The following AEBP2 variants were observed in gnomAD, a reference collection of about 807,000 sequenced individuals.
AEBP2 encodes the protein AE binding protein 2.
In AEBP2, 10 loss-of-function variants were observed where a neutral mutation model predicts 50.8. The observed-to-expected ratio is 0.20, with a 90% confidence interval of 0.12 to 0.33. AEBP2 has a LOEUF of 0.33. Ranked by LOEUF, AEBP2 falls within the 10% of genes least tolerant of loss-of-function variation. The pLI is 1.00. For synonymous variants in AEBP2, 296 were observed against 261.3 expected (o/e 1.13, Z -1.28); for missense variants, 570 against 688.0 (o/e 0.83, Z 1.92).
At chr12:19,499,360 C>G (rs1242409688) in intron 4 of AEBP2, among the ~76,000 whole-genome samples, 3 of 152,132 alleles carry the variant, frequency 2.0e-5, no homozygotes, top group Non-Finnish European at 4.4e-5. Flanking sequence ...TGCCTGTATA[C>G]CCAGCACTTT....
intron 1 of AEBP2, among the ~76,000 whole-genome samples, chr12:19,411,621 A>G (rs2095739263): frequency 6.6e-6 from 1 of 152,198 alleles, no homozygotes; most frequent in Admixed American, 6.5e-5. Flanking sequence ...GGCACAAGTA[A>G]AGACTTATAA....
At chr12:19,479,016 C>T (rs1287004395) in intron 3 of AEBP2, among the ~76,000 whole-genome samples, 2 of 152,070 alleles carry the variant, frequency 1.3e-5, no homozygotes, top group East Asian at 1.9e-4. Context: ...TGAGACCAGC[C>T]TGGGCAACAT....
chr12:19,445,039 C>G (rs899857071), intron 1 of AEBP2, among the ~76,000 whole-genome samples: 58 of 151,740 alleles, frequency 3.8e-4, no homozygotes, highest in African/African-American at 1.3e-3. Context: ...TATTTAACGT[C>G]TTACTACTTG....
intron 3 of AEBP2, among the ~76,000 whole-genome samples, chr12:19,483,280 T>C (rs778349628): frequency 3.9e-5 from 6 of 152,166 alleles, no homozygotes; most frequent in Non-Finnish European, 5.9e-5. Context: ...GCTTCTACTT[T>C]TATATTTTGC....
At chr12:19,449,403 ATT>A (rs1049847825) in intron 1 of AEBP2, among the ~76,000 whole-genome samples, 5 of 152,182 alleles carry the variant, frequency 3.3e-5, no homozygotes, top group African/African-American at 1.2e-4. Context: ...GCTGGCTGAT[ATT>A]TTAAGCTGGA....
In AEBP2 at chr12:19,521,415, T is replaced by C. The variant is rs552927421; in HGVS notation, c.*3298T>C. The C allele has an allele frequency of 6.6e-6, 1 of 152,298 alleles. No homozygotes were observed. The highest frequency in any genetic ancestry group is 2.4e-5 in the African/African-American group (1 of 41,580). 9.4% of individuals were successfully genotyped at this position (152,298 alleles called of 1,614,324 possible). A position where few individuals can be genotyped will look rare whatever the true frequency, so the allele number is the denominator to read the frequency against. ...CATCATTTGTGTTTCTGTATTTATT[T>C]TGCTAAGAACTAAATAAGATTTTGT... On this transcript the variant is annotated 3_prime_UTR_variant, in exon 8 of 8. Transcript: ENST00000266508.
At chr12:19,456,059 G>A (rs1458402922) in intron 1 of AEBP2, among the ~76,000 whole-genome samples, 2 of 151,654 alleles carry the variant, frequency 1.3e-5, no homozygotes, top group Non-Finnish European at 2.9e-5. Context: ...ACTTAAAACT[G>A]CCACGCGCAA....
At chr12:19,445,903 T>C (rs1044314129) in intron 1 of AEBP2, 2 of 152,178 alleles carry the variant, frequency 1.3e-5, no homozygotes, top group Admixed American at 6.5e-5. Context: ...AGCTTTCTTT[T>C]TTTTGGACGA....
At chr12:19,457,461 A>G (rs1948290892) in intron 1 of AEBP2, 1 of 1,517,082 alleles carries the variant, frequency 6.6e-7, no homozygotes, top group Non-Finnish European at 8.9e-7. Flanking sequence ...CTCAGCTTTC[A>G]GTTTATCCAA....
At chr12:19,434,175 A>ATT (rs1325645174) in intron 1 of AEBP2, among the ~76,000 whole-genome samples, 1 of 137,608 alleles carries the variant, frequency 7.3e-6, no homozygotes, top group Non-Finnish European at 1.6e-5. Context: ...TAGATTAGTA[A>ATT]TTTTTTTTTT....
rs980293089 is a variant in AEBP2, at chr12:19,493,674, C to T, written c.988-126C>T. Reference sequence around the variant, plus strand: ...AAAAGACTACTAGTCCCTTATGCTTCCTTTCTGGAATTAGTTCTATTGTAC... The same window carrying T: ...AAAAGACTACTAGTCCCTTATGCTTTCTTTCTGGAATTAGTTCTATTGTAC... On this transcript the variant is annotated intron_variant, in intron 3 of 7. Coordinates refer to ENST00000266508, the MANE Select transcript of AEBP2 (RefSeq NM_153207.5). 26 of 904,854 alleles carry T rather than the reference C, an allele frequency of 2.9e-5. No individual in the cohort carries two copies. The Middle Eastern group carries it at 1.8e-3, about 62-fold the overall frequency. The allele number at this position is 904,854 out of a possible 1,614,324, so 56.1% of individuals were successfully genotyped here.
At chr12:19,485,332 A>T (rs1948790947) in intron 3 of AEBP2, among the ~76,000 whole-genome samples, 1 of 152,210 alleles carries the variant, frequency 6.6e-6, no homozygotes, top group East Asian at 1.9e-4. Context: ...TACATGAATC[A>T]TAGGAATTAT....
chr12:19,431,430 G>T (rs541484317), intron 1 of AEBP2, among the ~76,000 whole-genome samples: 2 of 151,982 alleles, frequency 1.3e-5, no homozygotes, highest in East Asian at 1.9e-4. Context: ...AAGTTTTTTG[G>T]CAAGTCAGAT....
chr12:19,456,330 A>T lies in AEBP2; in HGVS notation c.672-6180A>T. The stretch of plus-strand genomic sequence containing the variant: ...CTTGTTCACTGCTTTGATGACATCC[A>T]CTGCAACTGTCTGTCTCATATCATG... On this transcript the variant is annotated intron_variant, in intron 1 of 7. Coordinates refer to ENST00000266508, the MANE Select transcript of AEBP2 (RefSeq NM_153207.5). The T allele has an allele frequency of 2.1e-6, 3 of 1,426,066 alleles. No individual in the cohort carries two copies. The South Asian group carries it at 3.4e-5, about 16-fold the overall frequency. 88.3% of individuals were successfully genotyped at this position (1,426,066 alleles called of 1,614,324 possible).
intron 1 of AEBP2, among the ~76,000 whole-genome samples, chr12:19,427,800 G>A (rs934985675): frequency 1.3e-5 from 2 of 152,044 alleles, no homozygotes; most frequent in African/African-American, 4.8e-5. Flanking sequence ...TAGATAGTAG[G>A]GTGGGAAGGA....
At chr12:19,435,993 T>C (rs1947856681), upstream of AEBP2, among the ~76,000 whole-genome samples, 1 of 152,170 alleles carries the variant, frequency 6.6e-6, no homozygotes, top group Admixed American at 6.6e-5. Flanking sequence ...GGCTGAAACC[T>C]ACTGGGCTGC....
rs1399060079 is a variant in AEBP2, at chr12:19,518,746, T to G, written c.*629T>G. The G allele has an allele frequency of 7.4e-6, 11 of 1,483,582 alleles. No individual in the cohort carries two copies. The South Asian group carries it at 1.4e-4, about 19-fold the overall frequency. The allele number at this position is 1,483,582 out of a possible 1,614,324, so 91.9% of individuals were successfully genotyped here. On this transcript the variant is annotated 3_prime_UTR_variant, in exon 8 of 8. Coordinates refer to ENST00000266508, the MANE Select transcript of AEBP2 (RefSeq NM_153207.5). ...ACGACGTTTGCAATCAACTAAAAATTCGTCTATCGAATTAGGGCTGAAAAT... is the reference window on the plus strand; with the variant it reads ...ACGACGTTTGCAATCAACTAAAAATGCGTCTATCGAATTAGGGCTGAAAAT...
At chr12:19,485,968 T>C (rs796190163) in intron 3 of AEBP2, among the ~76,000 whole-genome samples, 3 of 132,886 alleles carry the variant, frequency 2.3e-5, no homozygotes, top group Non-Finnish European at 4.9e-5. Flanking sequence ...TTTTTTTTTT[T>C]CATTTTGTTT....
intron 2 of AEBP2, among the ~76,000 whole-genome samples, chr12:19,471,138 A>T (rs2153371929): frequency 6.6e-6 from 1 of 152,064 alleles, no homozygotes; most frequent in East Asian, 1.9e-4. Context: ...TTCTTGAGAG[A>T]TGATCTGTCT....
Sources: allele counts gnomAD v4.1 joint callset (sites outside exome capture counted in the v4.1 genomes callset), GRCh38; gene constraint gnomAD v4.1.1; transcripts MANE v1.5; gene names NCBI Gene and HGNC (gene_info 2026-07-23, HGNC 2026-07-21).